FHIT: variants seen among roughly 807,000 people sequenced by gnomAD.
The protein encoded by FHIT is bis(5'-adenosyl)-triphosphatase.
In FHIT, 19 loss-of-function variants were observed where a neutral mutation model predicts 17.9. The observed-to-expected ratio is 1.06, with a 90% CI of 0.74 to 1.56. FHIT has a LOEUF of 1.56. Among genes scored for constraint, FHIT ranks in the 40% most tolerant of loss-of-function variants. The pLI is 0.00. For missense variants in FHIT, 248 were observed against 189.2 expected (o/e 1.31, Z -1.82); for synonymous variants, 81 against 69.7 (o/e 1.16, Z -0.81).
At chr3:60,096,412 G>A (rs543812129) in intron 5 of FHIT, among the ~76,000 whole-genome samples, 30 of 152,212 alleles carry the variant, frequency 2.0e-4, no homozygotes, top group Middle Eastern at 3.4e-3. Context: ...TTGGTTCAAC[G>A]GCATTATTCA....
chr3:60,879,970 T>C (rs1160872265), intron 3 of FHIT, among the ~76,000 whole-genome samples: 2 of 152,030 alleles, frequency 1.3e-5, no homozygotes, highest in East Asian at 3.9e-4. Context: ...AAAAACCTAA[T>C]TTAATTATCT....
At chr3:60,340,926 G>C (rs1710484415) in intron 5 of FHIT, among the ~76,000 whole-genome samples, 1 of 152,118 alleles carries the variant, frequency 6.6e-6, no homozygotes, top group Non-Finnish European at 1.5e-5. Context: ...TCCTGACCTT[G>C]TGATGCGCCC....
chr3:60,610,938 T>G (rs1553673290), intron 4 of FHIT, among the ~76,000 whole-genome samples: 1 of 152,174 alleles, frequency 6.6e-6, no homozygotes, highest in Admixed American at 6.5e-5. Context: ...ACTCCCTGAA[T>G]GACATCAGGC....
At chr3:59,831,851 A>T (rs1701175515) in intron 8 of FHIT, among the ~76,000 whole-genome samples, 1 of 152,124 alleles carries the variant, frequency 6.6e-6, no homozygotes, top group Non-Finnish European at 1.5e-5. Flanking sequence ...TGATATAGAG[A>T]GGGTTTAAAG....
chr3:60,006,066 G>C (rs1699911362), intron 7 of FHIT, among the ~76,000 whole-genome samples: 1 of 152,138 alleles, frequency 6.6e-6, no homozygotes, highest in African/African-American at 2.4e-5. Flanking sequence ...GGGCAGGCAG[G>C]CTTCTGTCCT....
intron 3 of FHIT, among the ~76,000 whole-genome samples, chr3:60,863,011 C>A (rs74414449): frequency 6.6e-6 from 1 of 152,082 alleles, no homozygotes; most frequent in Non-Finnish European, 1.5e-5. Flanking sequence ...ACCCTAGTCA[C>A]ATGAGGTTGT....
chr3:60,972,413 T>G (rs532261846), intron 3 of FHIT, among the ~76,000 whole-genome samples: 1 of 152,324 alleles, frequency 6.6e-6, no homozygotes, highest in South Asian at 2.1e-4. Context: ...CTTGGTTCCA[T>G]TGTTTTGGTT....
chr3:60,347,865 T>A (rs981860026), intron 5 of FHIT, among the ~76,000 whole-genome samples: 1 of 152,070 alleles, frequency 6.6e-6, no homozygotes, highest in Non-Finnish European at 1.5e-5. Flanking sequence ...TTCAAGCGAT[T>A]CTCCTGCCTC....
At chr3:60,685,399 G>C (rs2040839999) in intron 4 of FHIT, among the ~76,000 whole-genome samples, 1 of 152,064 alleles carries the variant, frequency 6.6e-6, no homozygotes, top group Admixed American at 6.6e-5. Flanking sequence ...TCTATCTGCT[G>C]GTACTTAAGA....
chr3:60,119,032 C>CA (rs142758352), intron 5 of FHIT, among the ~76,000 whole-genome samples: 40,419 of 149,870 alleles, frequency 0.27, 6,178 homozygotes, highest in Non-Finnish European at 0.36. Context: ...AAAACAAAAA[C>CA]AAAAAAAACN....
At chr3:60,343,593 T>C (rs1169320745) in intron 5 of FHIT, among the ~76,000 whole-genome samples, 1 of 152,200 alleles carries the variant, frequency 6.6e-6, no homozygotes, top group Admixed American at 6.5e-5. Context: ...AATTTTCCAC[T>C]ACGCTTTGCC....
At chr3:60,170,642 T>C (rs991868698) in intron 5 of FHIT, among the ~76,000 whole-genome samples, 2 of 152,178 alleles carry the variant, frequency 1.3e-5, no homozygotes, top group Non-Finnish European at 2.9e-5. Context: ...CATATTCATA[T>C]CTTTTAAAAA....
At chr3:60,555,299 T>C (rs922223046) in intron 4 of FHIT, among the ~76,000 whole-genome samples, 1 of 152,184 alleles carries the variant, frequency 6.6e-6, no homozygotes, top group Non-Finnish European at 1.5e-5. Flanking sequence ...CTAAAGCCAG[T>C]ATGGCCAGAC....
chr3:60,907,249 TG>T (rs1706475384), intron 3 of FHIT, among the ~76,000 whole-genome samples: 1 of 152,204 alleles, frequency 6.6e-6, no homozygotes, highest in Admixed American at 6.5e-5. Context: ...TGATCCACTG[TG>T]AAGCAGGCAA....
intron 5 of FHIT, among the ~76,000 whole-genome samples, chr3:60,120,553 C>T (rs2107218127): frequency 6.6e-6 from 1 of 152,320 alleles, no homozygotes; most frequent in East Asian, 1.9e-4. Context: ...AGTACGACAG[C>T]AGCGAGGACT....
intron 3 of FHIT, among the ~76,000 whole-genome samples, chr3:60,979,351 G>A (rs1284769121): frequency 6.6e-6 from 1 of 152,144 alleles, no homozygotes; most frequent in Non-Finnish European, 1.5e-5. Context: ...AGGAATTAAA[G>A]AAAAAACAGT....
intron 7 of FHIT, among the ~76,000 whole-genome samples, chr3:59,973,461 T>A (rs191212708): frequency 3.2e-4 from 48 of 152,244 alleles, no homozygotes; most frequent in Non-Finnish European, 6.3e-4. Flanking sequence ...CCAACCTCTG[T>A]CTCTGCCTTC....
intron 8 of FHIT, among the ~76,000 whole-genome samples, chr3:59,869,535 G>A (rs1702819762): frequency 7.6e-6 from 1 of 131,914 alleles, no homozygotes; most frequent in Non-Finnish European, 1.5e-5. Context: ...AGGCTGGAGT[G>A]CAGTGGAGCG....
chr3:60,418,430 G>GTT (rs1702345036), intron 5 of FHIT, among the ~76,000 whole-genome samples: 2 of 101,186 alleles, frequency 2.0e-5, no homozygotes, highest in African/African-American at 4.0e-5. Flanking sequence ...ATATATACGT[G>GTT]TATACACACA....
Sources: gnomAD v4.1 joint callset for allele counts (sites outside exome capture counted in the v4.1 genomes callset) on GRCh38, gnomAD v4.1.1 for gene constraint, MANE v1.5 for transcripts, NCBI Gene and HGNC (gene_info 2026-07-23, HGNC 2026-07-21) for gene names.